Variants in DSC3 observed in about 807,000 individuals in gnomAD.
DSC3 encodes the protein desmocollin 3.
Under a neutral mutation model 89.5 loss-of-function variants are expected in DSC3, and 97 were observed. That is an observed-to-expected ratio of 1.08 (90% CI 0.92 to 1.28). The LOEUF (loss-of-function observed/expected upper bound fraction) is 1.28, where lower values mean the gene tolerates loss of function less well. DSC3 is among the 50% of genes most tolerant of loss of function. DSC3 has a pLI of 0.00. For synonymous variants in DSC3, 436 were observed against 384.1 expected, an observed-to-expected ratio of 1.14 and a Z score of -1.58; for missense variants, 1,199 against 1,085.3, an observed-to-expected ratio of 1.10 and a Z score of -1.47.
Position 31,032,293 on chromosome 18 carries a change from C to G in DSC3, c.70-17G>C. 1 of 1,550,454 alleles carries G rather than the reference C, an allele frequency of 6.4e-7. No homozygotes were observed. The stretch of plus-strand genomic sequence containing the variant: ...ACTGAAGATCTAGAATTTAAAAGGT[C>G]ACATTAATACAGTAGAAAATAAAGA... On this transcript the variant is annotated splice_polypyrimidine_tract_variant and intron_variant, in intron 1 of 15. Coordinates refer to ENST00000360428, the MANE Select transcript of DSC3 (RefSeq NM_001941.5).
intron 1 of DSC3, among the ~76,000 whole-genome samples, chr18:31,036,645 A>C (rs1306732272): frequency 6.6e-6 from 1 of 151,962 alleles, no homozygotes. Flanking sequence ...AAGTTCTGTA[A>C]AAATTTATTT....
chr18:31,028,397 T>C (rs1031635760), intron 4 of DSC3, among the ~76,000 whole-genome samples: 10 of 152,304 alleles, frequency 6.6e-5, no homozygotes, highest in African/African-American at 9.6e-5. Context: ...AGATGGTGAC[T>C]GGTTTTGCAA....
chr18:31,004,628 C>G (rs533098807), intron 12 of DSC3, among the ~76,000 whole-genome samples: 1 of 152,242 alleles, frequency 6.6e-6, no homozygotes, highest in South Asian at 2.1e-4. Flanking sequence ...TAATGTTTAT[C>G]TATACAAACT....
intron 7 of DSC3, among the ~76,000 whole-genome samples, chr18:31,019,477 C>T (rs1196111672): frequency 6.6e-6 from 1 of 152,156 alleles, no homozygotes; most frequent in African/African-American, 2.4e-5. Flanking sequence ...TTAGTTGAAA[C>T]TCCCCTGCAG....
chr18:31,004,278 A>G lies in DSC3; in HGVS notation c.1977T>C (p.Ala659=), dbSNP rs897706174. The G allele has an allele frequency of 5.6e-6, 9 of 1,613,934 alleles. No individual in the cohort carries two copies. Among genetic ancestry groups the G allele is most frequent in the Non-Finnish European group, 7.6e-6 (9 of 1,179,950 alleles). ...PITVKDRAGQ[A]ATKLLRVNLC... ...GATTAACTCTCAATAATTTTGTTGC[A>G]GCTTGGCCGGCCCTGTCTTTTACAG... Residue 659 remains alanine (A), a synonymous_variant, in exon 13 of 16, where the codon GCT becomes GCC. Transcript: ENST00000360428.
At chr18:31,019,132 C>A (rs998632185) in intron 7 of DSC3, among the ~76,000 whole-genome samples, 4 of 152,276 alleles carry the variant, frequency 2.6e-5, no homozygotes, top group South Asian at 2.1e-4. Context: ...AGTCTCATAC[C>A]GTCACCCAGG....
At chr18:31,020,117 G>C (rs568119830) in intron 7 of DSC3, among the ~76,000 whole-genome samples, 2 of 152,120 alleles carry the variant, frequency 1.3e-5, no homozygotes, top group Non-Finnish European at 2.9e-5. Context: ...GAAATCTAAG[G>C]AGTAAAGTCC....
intron 13 of DSC3, 69 bp downstream of exon 13, chr18:31,004,073 T>G: frequency 7.9e-7 from 1 of 1,258,956 alleles, no homozygotes; most frequent in South Asian, 1.3e-5. Context: ...AGATTATTTT[T>G]TAAACATCTT....
At chr18:31,011,788 T>C (rs974899751) in intron 9 of DSC3, among the ~76,000 whole-genome samples, 4 of 151,184 alleles carry the variant, frequency 2.6e-5, no homozygotes, top group Admixed American at 6.6e-5. Context: ...AGCTCAGGAG[T>C]TCGAGACCAG....
chr18:31,004,416 CTTAGCAT>C, intron 12 of DSC3, 50 bp from the exon 13 acceptor site: 1 of 1,536,392 alleles, frequency 6.5e-7, no homozygotes, highest in East Asian at 2.3e-5. Context: ...TTATTCTTCC[CTTAGCAT>C]TTGTTTCATC....
chr18:30,999,987 G>C (rs778529155), intron 14 of DSC3, among the ~76,000 whole-genome samples: 2 of 152,018 alleles, frequency 1.3e-5, no homozygotes, highest in African/African-American at 4.8e-5. Context: ...CATCCATGCC[G>C]GTCTTAAAAA....
chr18:31,014,771 C>T (rs1985179472), intron 9 of DSC3, among the ~76,000 whole-genome samples: 1 of 151,974 alleles, frequency 6.6e-6, no homozygotes, highest in African/African-American at 2.4e-5. Context: ...TACAAACTGC[C>T]TTGTGGGCTT....
At chr18:30,994,548 G>A (rs761511612) in intron 15 of DSC3, 176 bp from the exon 16 acceptor site, 1 of 1,305,912 alleles carries the variant, frequency 7.7e-7, no homozygotes, top group Admixed American at 1.8e-5. Context: ...ATACCATAAA[G>A]TCAGTATAGT....
chr18:31,004,749 C>T (rs889002276), intron 12 of DSC3, among the ~76,000 whole-genome samples: 2 of 152,110 alleles, frequency 1.3e-5, no homozygotes, highest in Non-Finnish European at 2.9e-5. Context: ...TATCCATTGA[C>T]CTTCTAGTAT....
chr18:31,036,687 A>G (rs1985978729), intron 1 of DSC3, among the ~76,000 whole-genome samples: 1 of 151,936 alleles, frequency 6.6e-6, no homozygotes, highest in African/African-American at 2.4e-5. Context: ...TTTCCTTTAA[A>G]TATTAATTTA....
chr18:31,023,241 A>G (rs1985484664), intron 6 of DSC3, among the ~76,000 whole-genome samples: 1 of 152,214 alleles, frequency 6.6e-6, no homozygotes, highest in Non-Finnish European at 1.5e-5. Context: ...GTAATGTCAT[A>G]GAATTGTGAG....
intron 4 of DSC3, among the ~76,000 whole-genome samples, chr18:31,028,930 T>A (rs576704372): frequency 7.9e-5 from 12 of 152,208 alleles, no homozygotes; most frequent in African/African-American, 2.9e-4. Context: ...CACCCAGAGC[T>A]CCTCTAAGGA....
chr18:31,032,831 C>T (rs969345925), intron 1 of DSC3, among the ~76,000 whole-genome samples: 1 of 151,914 alleles, frequency 6.6e-6, no homozygotes, highest in African/African-American at 2.4e-5. Flanking sequence ...AGCTTCTAGC[C>T]AGGAAAATTA....
At chr18:31,029,747 C>T in intron 3 of DSC3, 119 bp from the exon 4 acceptor site, 1 of 1,272,066 alleles carries the variant, frequency 7.9e-7, no homozygotes, top group South Asian at 1.2e-5. Flanking sequence ...CAGGCATTTC[C>T]ATGCTGGAGC....
Sources: allele counts gnomAD v4.1 joint callset (sites outside exome capture counted in the v4.1 genomes callset), GRCh38; gene constraint gnomAD v4.1.1; transcripts MANE v1.5; gene names NCBI Gene and HGNC (gene_info 2026-07-23, HGNC 2026-07-21).